Variants in VIT observed in about 807,000 individuals in gnomAD.
VIT encodes vitrin.
VIT carries 99 observed loss-of-function variants against 78.0 expected under a neutral mutation model. The ratio of observed to expected loss-of-function variants is 1.27; its 90% CI spans 1.08 to 1.50. The LOEUF is 1.50. Ranked by LOEUF, VIT falls within the 40% of genes most tolerant of loss-of-function variation. The pLI, the probability that VIT is intolerant of heterozygous loss-of-function variation, is 0.00. For synonymous variants in VIT, 374 were observed against 334.3 expected (o/e 1.12, Z -1.29); for missense variants, 1,126 against 875.3 (o/e 1.29, Z -3.61).
intron 8 of VIT, among the ~76,000 whole-genome samples, 173 bp downstream of exon 8, chr2:36,774,020 T>G (rs1669912318): frequency 6.6e-6 from 1 of 151,938 alleles, no homozygotes; most frequent in African/African-American, 2.4e-5. Flanking sequence ...TGTAAAGAAG[T>G]GGTTAAGTAA....
intron 6 of VIT, among the ~76,000 whole-genome samples, chr2:36,763,583 CTTTTTTTTTTT>C (rs70946947): frequency 4.3e-4 from 26 of 60,428 alleles, no homozygotes; most frequent in African/African-American, 1.7e-3. Context: ...TCTATCTTCC[CTTTTTTTTTTT>C]TTTTTTTTTT....
intron 12 of VIT, among the ~76,000 whole-genome samples, chr2:36,787,623 C>G (rs1665196175): frequency 6.6e-6 from 1 of 152,242 alleles, no homozygotes; most frequent in South Asian, 2.1e-4. Flanking sequence ...CTCTGATTGT[C>G]AGTTTCCTCA....
At chr2:36,728,834 A>AAAAAAAAAAAAAAG (rs761254776) in intron 2 of VIT, among the ~76,000 whole-genome samples, 14 of 146,658 alleles carry the variant, frequency 9.5e-5, no homozygotes, top group Non-Finnish European at 2.0e-4. Flanking sequence ...AAAAAAGAAA[A>AAAAAAAAAAAAAAG]AAGAAAAAAT....
chr2:36,811,075 C>T (rs1667130138), intron 15 of VIT, among the ~76,000 whole-genome samples: 1 of 152,220 alleles, frequency 6.6e-6, no homozygotes, highest in African/African-American at 2.4e-5. Context: ...GGGGTTCAGG[C>T]AGAGTCTTCC....
At chr2:36,699,506 T>G (rs985082314) in intron 1 of VIT, among the ~76,000 whole-genome samples, 3 of 110,824 alleles carry the variant, frequency 2.7e-5, no homozygotes, top group African/African-American at 9.3e-5. Context: ...CACAAGACAA[T>G]TAGAGGGGGT....
In VIT at chr2:36,716,357, T is replaced by C. The variant is rs756837098; in HGVS notation, c.-14T>C. 1 of 1,613,222 alleles carries C rather than the reference T, an allele frequency of 6.2e-7. No individual in the cohort carries two copies. Among genetic ancestry groups the C allele is most frequent in the Non-Finnish European group, 8.5e-7 (1 of 1,179,418 alleles). Reference sequence around the variant, plus strand: ...TTATTGTTTCTTTCTCTCCAGGGTGTCATTCTGATATTTATGAGGACTGTT... The same window carrying C: ...TTATTGTTTCTTTCTCTCCAGGGTGCCATTCTGATATTTATGAGGACTGTT... On this transcript the variant is annotated 5_prime_UTR_variant, in exon 2 of 16. Coordinates refer to ENST00000379242, the MANE Select transcript of VIT (RefSeq NM_053276.4).
At chr2:36,799,508 C>T (rs534299030) in intron 12 of VIT, among the ~76,000 whole-genome samples, 8 of 152,096 alleles carry the variant, frequency 5.3e-5, no homozygotes, top group South Asian at 4.2e-4. Context: ...CTTGAGTCCA[C>T]GCTTTTAAGA....
chr2:36,705,558 G>A (rs921543041), intron 1 of VIT, among the ~76,000 whole-genome samples: 2 of 152,070 alleles, frequency 1.3e-5, no homozygotes, highest in South Asian at 4.1e-4. Flanking sequence ...ATGGATCAAC[G>A]AACCTAATGG....
chr2:36,780,961 A>T (rs1195074804), intron 9 of VIT, among the ~76,000 whole-genome samples: 1 of 152,166 alleles, frequency 6.6e-6, no homozygotes, highest in African/African-American at 2.4e-5. Context: ...GATTTTCCAA[A>T]AAAGATCAGA....
chr2:36,789,232 G>T (rs1260341327), intron 12 of VIT, among the ~76,000 whole-genome samples: 1 of 152,154 alleles, frequency 6.6e-6, no homozygotes, highest in Non-Finnish European at 1.5e-5. Flanking sequence ...TCCTCTGTGT[G>T]ACCTTAAGCC....
At position 36,764,839 on chromosome 2, in the gene VIT, CTA is replaced by C. The variant is rs1355801203; in HGVS notation, c.488-2253_488-2252del. On this transcript the variant is annotated intron_variant, in intron 6 of 15. Coordinates refer to ENST00000379242, the MANE Select transcript of VIT (RefSeq NM_053276.4). The stretch of plus-strand genomic sequence containing the variant: ...ATTTGTTTGCATCACTTGTCCAGGA[CTA>C]TGATTCTGGCACTATTTTCCTGGAT... 2.6e-5 allele frequency among the ~76,000 whole-genome samples: 4 copies of C among 152,182 alleles called. No individual in the cohort carries two copies. The South Asian group carries it at 6.2e-4, about 24-fold the overall frequency.
intron 4 of VIT, among the ~76,000 whole-genome samples, chr2:36,750,383 G>A (rs1198745158): frequency 2.0e-5 from 3 of 152,130 alleles, no homozygotes; most frequent in African/African-American, 7.2e-5. Flanking sequence ...CCTGTCTTAA[G>A]GTTGCTTGTA....
intron 6 of VIT, chr2:36,759,707 G>T (rs911391499): frequency 1.0e-6 from 1 of 976,518 alleles, no homozygotes; most frequent in African/African-American, 1.8e-5. Flanking sequence ...CCAGAAACTT[G>T]ATAGGCTAGC....
intron 12 of VIT, chr2:36,787,678 C>T (rs1434949118): frequency 1.5e-5 from 5 of 338,916 alleles, no homozygotes; most frequent in African/African-American, 8.7e-5. Flanking sequence ...CCTATTACAG[C>T]ATTTGTTTGA....
intron 6 of VIT, chr2:36,759,304 T>C: frequency 6.9e-7 from 1 of 1,447,478 alleles, no homozygotes. Flanking sequence ...TCAGATTGAC[T>C]GTTGCCTTGA....
chr2:36,775,812 T>C (rs914552936), intron 9 of VIT, among the ~76,000 whole-genome samples: 1 of 137,870 alleles, frequency 7.3e-6, no homozygotes, highest in Non-Finnish European at 1.5e-5. Context: ...CAACACACTC[T>C]AGGTGCTCAG....
intron 4 of VIT, among the ~76,000 whole-genome samples, chr2:36,753,870 A>G (rs776868309): frequency 2.0e-5 from 3 of 152,196 alleles, no homozygotes; most frequent in Non-Finnish European, 4.4e-5. Context: ...AAGAGGGACA[A>G]ACTGAGGACT....
rs1455068502 is a variant in VIT, at chr2:36,726,817, TC to T, written c.53-2608del. Among the ~76,000 whole-genome samples, 6 of 55,786 alleles carry T rather than the reference TC, an allele frequency of 1.1e-4. No homozygotes were observed. The South Asian group carries it at 3.5e-3, about 32-fold the overall frequency. 36.6% of individuals were successfully genotyped at this position (55,786 alleles called of 152,430 possible). ...ATGGGCAACAGAGTGGGACTCTGTCTCAAAAAAAAAAAAAAAAAAAAAAAAA... is the reference window on the plus strand; with the variant it reads ...ATGGGCAACAGAGTGGGACTCTGTCTAAAAAAAAAAAAAAAAAAAAAAAAA... On this transcript the variant is annotated intron_variant, in intron 2 of 15. Transcript: ENST00000379242.
chr2:36,706,255 T>G (rs1248081385), intron 1 of VIT, among the ~76,000 whole-genome samples: 18 of 152,230 alleles, frequency 1.2e-4, no homozygotes, highest in Admixed American at 1.2e-3. Flanking sequence ...CAAGCACATG[T>G]GTCCTTTTCA....
Sources: gnomAD v4.1 joint callset for allele counts (sites outside exome capture counted in the v4.1 genomes callset) on GRCh38, gnomAD v4.1.1 for gene constraint, MANE v1.5 for transcripts, NCBI Gene and HGNC (gene_info 2026-07-23, HGNC 2026-07-21) for gene names.